The following ORC6 variants were observed in gnomAD, a reference collection of about 807,000 sequenced individuals.
ORC6 encodes origin recognition complex subunit 6.
Under a neutral mutation model 30.0 loss-of-function variants are expected in ORC6, and 31 were observed. The ratio of observed to expected loss-of-function variants is 1.03; its 90% CI spans 0.78 to 1.40. The LOEUF (loss-of-function observed/expected upper bound fraction) is 1.40. Among genes scored for constraint, ORC6 ranks in the 40% most tolerant of loss-of-function variants. The probability of loss-of-function intolerance (pLI) is 0.00; values close to 1 mark genes in which losing one functional copy is unlikely to be tolerated. For synonymous variants in ORC6, 136 were observed against 111.2 expected (o/e 1.22, Z -1.40); for missense variants, 340 against 304.3 (o/e 1.12, Z -0.87).
chr16:46,691,980 T>TCTCTCTCTCTCTCTCTCCC (rs1966449087), intron 2 of ORC6, among the ~76,000 whole-genome samples: 1 of 147,920 alleles, frequency 6.8e-6, no homozygotes. Context: ...TCTCTCTCTC[T>TCTCTCTCTCTCTCTCTCCC]CACCACCCCG....
At chr16:46,691,983 C>CTCTCTCTCTCTCTCTCTCTCTCT (rs1357880671) in intron 2 of ORC6, among the ~76,000 whole-genome samples, 18 of 148,644 alleles carry the variant, frequency 1.2e-4, no homozygotes, top group Non-Finnish European at 1.6e-4. Flanking sequence ...CTCTCTCTCA[C>CTCTCTCTCTCTCTCTCTCTCTCT]CACCCCGCCC....
At position 46,692,328 on chromosome 16, in the gene ORC6, A is replaced by G. The variant is rs904947676; in HGVS notation, c.196-54A>G. ...TATTAAACAAGTGTTTAAGGGTACT[A>G]ATATATAGAACTTAAGGTTTTTATG... On this transcript the variant is annotated intron_variant, in intron 2 of 6. Transcript: ENST00000219097. 10 of 1,422,172 alleles carry G rather than the reference A, an allele frequency of 7.0e-6. No homozygotes were observed. The African/African-American group carries it at 9.8e-5, about 14-fold the overall frequency. 88.1% of individuals were successfully genotyped at this position (1,422,172 alleles called of 1,614,324 possible). A position where few individuals can be genotyped will look rare whatever the true frequency, so the allele number is the denominator to read the frequency against.
rs984816510 is a variant in ORC6 at position 46,689,736 on chromosome 16, C to T, written c.31C>T (p.Pro11Ser). The T allele has an allele frequency of 5.6e-6, 9 of 1,602,368 alleles. No individual in the cohort carries two copies. Among genetic ancestry groups the T allele is most frequent in the South Asian group, 1.1e-5 (1 of 89,442 alleles). Residue 11 changes from proline (P) to serine (S), a missense_variant, in exon 1 of 7, where the codon CCG becomes TCG. Physicochemically the swap from Pro to Ser is moderately conservative, Grantham distance 74 (BLOSUM62 -1). Coordinates refer to ENST00000219097, the MANE Select transcript of ORC6 (RefSeq NM_014321.4). MGSELIGRLA[P>S]RLGLAEPDML... ...GTCGGAGCTGATCGGGCGCCTAGCC[C>T]CGCGCCTGGGCCTCGCCGAGCCCGA...
At chr16:46,692,319 A>C in intron 2 of ORC6, 63 bp from the exon 3 acceptor site, 1 of 1,347,824 alleles carries the variant, frequency 7.4e-7, no homozygotes, top group Non-Finnish European at 1.1e-6. Flanking sequence ...ACAAGTGTTT[A>C]AGGGTACTAA....
intron 5 of ORC6, 126 bp downstream of exon 5, chr16:46,695,800 T>C (rs1024129763): frequency 3.3e-5 from 25 of 766,402 alleles, no homozygotes; most frequent in Non-Finnish European, 5.3e-5. Context: ...GGACCAGGTA[T>C]GTTTTTATTG....
chr16:46,695,725 G>T, intron 5 of ORC6, 51 bp downstream of exon 5: 1 of 1,185,636 alleles, frequency 8.4e-7, no homozygotes, highest in Non-Finnish European at 1.3e-6. Flanking sequence ...TAGTCCTTTT[G>T]CTTGTAAAAG....
At position 46,695,808 on chromosome 16, in the gene ORC6, T is replaced by C. The variant is rs1397337595; in HGVS notation, c.562+134T>C. 7.9e-6 allele frequency: 6 copies of C among 761,076 alleles called. No individual in the cohort carries two copies. The Admixed American group carries it at 1.0e-4, about 13-fold the overall frequency. 47.1% of individuals were successfully genotyped at this position (761,076 alleles called of 1,614,324 possible). A position where few individuals can be genotyped will look rare whatever the true frequency, so the allele number is the denominator to read the frequency against. On this transcript the variant is annotated intron_variant, in intron 5 of 6. Coordinates refer to ENST00000219097, the MANE Select transcript of ORC6 (RefSeq NM_014321.4). ...TACATGTGGACCAGGTATGTTTTTA[T>C]TGATGTTTCTAACCTATGATTCCAT...
In ORC6 at chr16:46,697,892, A is replaced by G. The variant is rs547544453; in HGVS notation, c.*307A>G. 150 of 470,710 alleles carry G rather than the reference A, an allele frequency of 3.2e-4. No homozygotes were observed. The highest frequency in any genetic ancestry group is 2.0e-3 in the Middle Eastern group (3 of 1,528). 29.2% of individuals were successfully genotyped at this position (470,710 alleles called of 1,614,324 possible). On this transcript the variant is annotated 3_prime_UTR_variant, in exon 7 of 7. Transcript: ENST00000219097. ...CACTTTGGGAGGCCAAGGTGGGTGGATCACCTGAGGTCAGGAGCTCGAGAC... is the reference window on the plus strand; with the variant it reads ...CACTTTGGGAGGCCAAGGTGGGTGGGTCACCTGAGGTCAGGAGCTCGAGAC...
rs1052685590 is a variant in ORC6, at chr16:46,697,200, T to C, written c.632-258T>C. ...AAAAAAGTGATAGCTAAGCTAGGTG[T>C]GATAGTGTGAGCCTATAGTCCCAGC... is the stretch of plus-strand genomic sequence containing the variant. On this transcript the variant is annotated intron_variant, in intron 6 of 6. Coordinates refer to ENST00000219097, the MANE Select transcript of ORC6 (RefSeq NM_014321.4). Among the ~76,000 whole-genome samples, 4 of 152,172 alleles carry C rather than the reference T, an allele frequency of 2.6e-5. No homozygotes were observed. In the East Asian group the frequency reaches 5.8e-4, roughly 22 times the overall value.
chr16:46,696,304 C>T, intron 6 of ORC6: 1 of 572,250 alleles, frequency 1.7e-6, no homozygotes, highest in Non-Finnish European at 3.2e-6. Context: ...TCCTGTAATC[C>T]CAGCACTTTG....
intron 5 of ORC6, 147 bp from the exon 6 acceptor site, chr16:46,695,868 CAA>C (rs1966512741): frequency 1.3e-6 from 1 of 759,202 alleles, no homozygotes; most frequent in Non-Finnish European, 2.3e-6. Flanking sequence ...TCAAGTCTGA[CAA>C]GAGGCCCAAA....
At chr16:46,693,018 G>A (rs959088259) in intron 3 of ORC6, 75 bp from the exon 4 acceptor site, 5 of 1,010,374 alleles carry the variant, frequency 4.9e-6, no homozygotes, top group Non-Finnish European at 7.9e-6. Context: ...AAGCTTGTAA[G>A]TTCTGGTTGA....
intron 4 of ORC6, chr16:46,695,311 A>G (rs1450108015): frequency 2.4e-5 from 11 of 466,842 alleles, no homozygotes; most frequent in Middle Eastern, 5.9e-4. Flanking sequence ...TCTAAAAGTC[A>G]TGAAGCACTA....
intron 4 of ORC6, chr16:46,694,273 A>G (rs1377019317): frequency 9.3e-6 from 1 of 107,122 alleles, no homozygotes; most frequent in East Asian, 2.7e-4. Flanking sequence ...CTACACAGAC[A>G]CGGCAACCAT....
At chr16:46,690,759 G>A (rs1266169562) in intron 1 of ORC6, 3 of 572,616 alleles carry the variant, frequency 5.2e-6, no homozygotes, top group Non-Finnish European at 9.5e-6. Context: ...TAATTTTTTT[G>A]TCAAAATTTA....
chr16:46,689,988 C>T (rs567581367), intron 1 of ORC6, among the ~76,000 whole-genome samples: 12 of 152,360 alleles, frequency 7.9e-5, no homozygotes, highest in African/African-American at 2.6e-4. Context: ...GCACACGTCC[C>T]TGGGAACAGC....
intron 1 of ORC6, 105 bp downstream of exon 1, chr16:46,689,875 G>C: frequency 7.0e-7 from 1 of 1,436,262 alleles, no homozygotes; most frequent in Non-Finnish European, 9.1e-7. Context: ...GGGGAGTGAC[G>C]GGGAGCGCTG....
chr16:46,692,676 T>C (rs1168247069), intron 3 of ORC6, 131 bp downstream of exon 3: 2 of 744,310 alleles, frequency 2.7e-6, no homozygotes, highest in East Asian at 2.7e-5. Flanking sequence ...AAGACCAGCC[T>C]GGCCAACATG....
intron 4 of ORC6, 146 bp downstream of exon 4, chr16:46,693,328 ATTCCCAG>A: frequency 1.5e-6 from 1 of 663,298 alleles, no homozygotes; most frequent in Non-Finnish European, 2.7e-6. Flanking sequence ...AAGTGACTAT[ATTCCCAG>A]TTTATCCCAT....
Sources: allele counts gnomAD v4.1 joint callset (sites outside exome capture counted in the v4.1 genomes callset), GRCh38; gene constraint gnomAD v4.1.1; transcripts MANE v1.5; gene names NCBI Gene and HGNC (gene_info 2026-07-23, HGNC 2026-07-21).